TRIO: variants seen among roughly 807,000 people sequenced by gnomAD.
TRIO encodes the protein triple functional domain protein.
A neutral mutation model predicts 351.9 loss-of-function variants in TRIO; 58 were observed. The observed-to-expected ratio is 0.16, with a 90% CI of 0.13 to 0.21. The LOEUF is 0.21. TRIO is among the 10% of genes least tolerant of loss of function. The probability of loss-of-function intolerance (pLI) is 1.00; values close to 1 mark genes in which losing one functional copy is unlikely to be tolerated. For synonymous variants in TRIO, 1,758 were observed against 1,595.7 expected (o/e 1.10, Z -2.42); for missense variants, 3,201 against 4,027.8 (o/e 0.79, Z 5.56).
intron 2 of TRIO, among the ~76,000 whole-genome samples, chr5:14,278,356 C>A (rs1735720844): frequency 6.6e-6 from 1 of 152,136 alleles, no homozygotes. Flanking sequence ...GTGGAGCATG[C>A]CTTGCTTGAC....
intron 11 of TRIO, among the ~76,000 whole-genome samples, chr5:14,344,620 C>A (rs1165858988): frequency 6.6e-6 from 1 of 152,012 alleles, no homozygotes; most frequent in Non-Finnish European, 1.5e-5. Flanking sequence ...GTCCTGACCC[C>A]GATTGTAACA....
intron 1 of TRIO, among the ~76,000 whole-genome samples, chr5:14,251,343 T>G (rs1794734712): frequency 6.6e-6 from 1 of 152,232 alleles, no homozygotes; most frequent in Non-Finnish European, 1.5e-5. Flanking sequence ...CCCTACTGAT[T>G]TTGATCAGCA....
Position 14,460,699 on chromosome 5 carries a change from C to T in TRIO, c.5204-320C>T, listed in dbSNP as rs531883218. ...CTCCAATGTCCGCAGTACCAATGTC[C>T]ACAGTATTTTATGTGATGAATGACA... On this transcript the variant is annotated intron_variant, in intron 34 of 56. Transcript: ENST00000344204. 2.9e-4 allele frequency among the ~76,000 whole-genome samples: 44 copies of T among 152,246 alleles called. 1 individual carries two copies. The highest frequency in any genetic ancestry group is 3.4e-3 in the Middle Eastern group (1 of 294).
At chr5:14,428,828 G>A (rs554599739) in intron 34 of TRIO, among the ~76,000 whole-genome samples, 3 of 152,216 alleles carry the variant, frequency 2.0e-5, no homozygotes, top group Non-Finnish European at 4.4e-5. Context: ...TTTAGGGAAA[G>A]CAGTAAAATC....
chr5:14,345,291 G>A (rs568757097), intron 11 of TRIO, among the ~76,000 whole-genome samples: 45 of 152,218 alleles, frequency 3.0e-4, no homozygotes, highest in Non-Finnish European at 4.7e-4. Context: ...GATGATTATC[G>A]GATGAAGGAA....
chr5:14,177,364 A>G (rs1448587471), intron 1 of TRIO, among the ~76,000 whole-genome samples: 1 of 152,180 alleles, frequency 6.6e-6, no homozygotes, highest in Non-Finnish European at 1.5e-5. Flanking sequence ...ATTTTCAAAC[A>G]TAGAGGTCTT....
At position 14,487,350 on chromosome 5, in the gene TRIO, C is replaced by T. The variant is rs1755996745; in HGVS notation, c.6836-114C>T. ...CCTGATGGGTGGGGTTGCTCTGCGC[C>T]CCTGCACGGGGTCTGCCCCATGACC... On this transcript the variant is annotated intron_variant, in intron 47 of 56. Coordinates refer to ENST00000344204, the MANE Select transcript of TRIO (RefSeq NM_007118.4). The T allele has an allele frequency of 1.5e-5, 16 of 1,056,156 alleles. No homozygotes were observed. In the South Asian group the frequency reaches 5.5e-4, roughly 36 times the overall value. The allele number at this position is 1,056,156 out of a possible 1,614,324, so 65.4% of individuals were successfully genotyped here.
intron 42 of TRIO, 37 bp from the exon 43 acceptor site, chr5:14,479,882 C>G: frequency 6.3e-7 from 1 of 1,595,876 alleles, no homozygotes; most frequent in Non-Finnish European, 8.6e-7. Flanking sequence ...CTTTAATGAA[C>G]AGCCCATACG....
chr5:14,495,829 G>C (rs541523147), intron 49 of TRIO, among the ~76,000 whole-genome samples: 3 of 152,072 alleles, frequency 2.0e-5, no homozygotes, highest in African/African-American at 4.8e-5. Flanking sequence ...ATAGCTGAGC[G>C]TAGTGGCAGG....
chr5:14,501,842 C>T (rs1757317854), intron 53 of TRIO, among the ~76,000 whole-genome samples: 1 of 152,068 alleles, frequency 6.6e-6, no homozygotes, highest in South Asian at 2.1e-4. Flanking sequence ...GCCAGGCTCC[C>T]GTGGAGGCCT....
chr5:14,434,579 C>T (rs946538230), intron 34 of TRIO, among the ~76,000 whole-genome samples: 5 of 152,138 alleles, frequency 3.3e-5, no homozygotes, highest in Admixed American at 3.3e-4. Flanking sequence ...ACCCTGTACC[C>T]AGCTCCCCCA....
chr5:14,402,506 G>A (rs1036689084), intron 31 of TRIO, among the ~76,000 whole-genome samples: 4 of 152,170 alleles, frequency 2.6e-5, no homozygotes, highest in African/African-American at 9.7e-5. Context: ...GATGGTGATG[G>A]TGGGAATGGT....
chr5:14,297,370 C>T lies in TRIO; in HGVS notation c.1368+107C>T, dbSNP rs553927550. The stretch of plus-strand genomic sequence containing the variant: ...TCTTGTGTAGCACATACTGTGAGCT[C>T]CGCATGTGAGCTCTGAAGTCACTTG... On this transcript the variant is annotated intron_variant, in intron 7 of 56. Transcript: ENST00000344204. 3.5e-4 allele frequency: 455 copies of T among 1,306,982 alleles called. 4 individuals are homozygous for T. The African/African-American group carries it at 6.2e-3, about 18-fold the overall frequency. 81.0% of individuals were successfully genotyped at this position (1,306,982 alleles called of 1,614,324 possible). A position where few individuals can be genotyped will look rare whatever the true frequency, so the allele number is the denominator to read the frequency against.
At chr5:14,181,627 C>G (rs554697604) in intron 1 of TRIO, among the ~76,000 whole-genome samples, 11 of 152,310 alleles carry the variant, frequency 7.2e-5, no homozygotes, top group African/African-American at 2.6e-4. Context: ...ACGGTTGCCC[C>G]CAGGCAGCTG....
chr5:14,183,495 A>G (rs1261928873), intron 1 of TRIO, among the ~76,000 whole-genome samples: 1 of 152,212 alleles, frequency 6.6e-6, no homozygotes, highest in Non-Finnish European at 1.5e-5. Flanking sequence ...TCCCCTAAAA[A>G]TGTAAACAAA....
chr5:14,403,268 C>T (rs1398228261), intron 31 of TRIO, among the ~76,000 whole-genome samples: 108 of 86,316 alleles, frequency 1.3e-3, no homozygotes, highest in Middle Eastern at 0.021. Flanking sequence ...GGTGAGGGTG[C>T]AGGTTGTGGT....
chr5:14,176,409 A>G (rs561091784), intron 1 of TRIO, among the ~76,000 whole-genome samples: 44 of 152,142 alleles, frequency 2.9e-4, no homozygotes, highest in African/African-American at 8.4e-4. Flanking sequence ...GGCGGAGCTT[A>G]CAGTGAGCCG....
At chr5:14,157,610 G>A (rs1302117165) in intron 1 of TRIO, among the ~76,000 whole-genome samples, 2 of 150,152 alleles carry the variant, frequency 1.3e-5, no homozygotes, top group Non-Finnish European at 3.0e-5. Context: ...TTTCTTTCGA[G>A]ACAGGGTCTT....
intron 1 of TRIO, among the ~76,000 whole-genome samples, chr5:14,188,153 T>G (rs1790238093): frequency 6.6e-6 from 1 of 152,216 alleles, no homozygotes; most frequent in South Asian, 2.1e-4. Flanking sequence ...TGAAAACCAT[T>G]TTTTGTGGAA....
Sources: allele counts gnomAD v4.1 joint callset (sites outside exome capture counted in the v4.1 genomes callset), GRCh38; gene constraint gnomAD v4.1.1; transcripts MANE v1.5; gene names NCBI Gene and HGNC (gene_info 2026-07-23, HGNC 2026-07-21).